Variants in TRMO observed in about 807,000 individuals in gnomAD.
TRMO encodes tRNA methyltransferase O, also known as tRNA (adenine(37)-N6)-methyltransferase.
TRMO carries 30 observed loss-of-function variants against 37.2 expected under a neutral mutation model. That is an observed-to-expected ratio of 0.81 (90% CI 0.60 to 1.09). The LOEUF (loss-of-function observed/expected upper bound fraction) is 1.09. Among genes scored for constraint, TRMO ranks in the 50% least tolerant of loss-of-function variants. The pLI is 0.00. For missense variants in TRMO, 552 were observed against 549.5 expected, an observed-to-expected ratio of 1.00 and a Z score of -0.05; for synonymous variants, 239 against 199.4, an observed-to-expected ratio of 1.20 and a Z score of -1.67.
In TRMO at chr9:97,908,949, T is replaced by C. The variant is rs543510074; in HGVS notation, c.1066+1011A>G. On this transcript the variant is annotated intron_variant, in intron 4 of 4. Transcript: ENST00000375119. ...GAACAGCTTTTTGCAATCTGACATC[T>C]CCTTGGCAACCAGCTTCTTCTTTTT... 1.3e-3 allele frequency among the ~76,000 whole-genome samples: 201 copies of C among 152,238 alleles called. 1 individual carries two copies. Among genetic ancestry groups the C allele is most frequent in the South Asian group, 3.3e-3 (16 of 4,824 alleles).
At chr9:97,907,046 A>G (rs948173248) in intron 4 of TRMO, among the ~76,000 whole-genome samples, 4 of 152,218 alleles carry the variant, frequency 2.6e-5, no homozygotes, top group African/African-American at 9.6e-5. Context: ...AATGATTTCT[A>G]TCAACAAAAC....
At chr9:97,905,610 A>G (rs1349574006) in intron 4 of TRMO, among the ~76,000 whole-genome samples, 2 of 152,224 alleles carry the variant, frequency 1.3e-5, no homozygotes, top group African/African-American at 4.8e-5. Context: ...GGTATGTATA[A>G]AACATAAATT....
At position 97,910,598 on chromosome 9, in the gene TRMO, G is replaced by A. The variant is rs1826079076; in HGVS notation, c.428C>T (p.Ser143Phe). The change falls in exon 4 of 5, where the codon TCT (serine) becomes TTT (phenylalanine). Residue 143 changes from serine to phenylalanine, a missense_variant. Transcript: ENST00000375119. Reference sequence around the variant, plus strand: ...TGTGCCATGTATCATGTCAATTCCAGAAAGGTATATAGCTCCACCTATGAC... The same window carrying A: ...TGTGCCATGTATCATGTCAATTCCAAAAAGGTATATAGCTCCACCTATGAC... Reference protein sequence around the residue: ...EKVEGGAIYLSGIDMIHGTPV... With the variant: ...EKVEGGAIYLFGIDMIHGTPV... The A allele has an allele frequency of 6.2e-7, 1 of 1,613,946 alleles. No homozygotes were observed. The highest frequency in any genetic ancestry group is 1.3e-5 in the African/African-American group (1 of 75,032).
chr9:97,897,186 TC>T, the TRMO span, among the ~76,000 whole-genome samples: 1 of 152,260 alleles, frequency 6.6e-6, no homozygotes, highest in African/African-American at 2.4e-5. Context: ...AAAAACAGTC[TC>T]TGACTTAGAA....
intron 4 of TRMO, among the ~76,000 whole-genome samples, chr9:97,907,448 C>T (rs1050263873): frequency 1.3e-5 from 2 of 152,142 alleles, no homozygotes; most frequent in African/African-American, 4.8e-5. Context: ...TTATCAAAGC[C>T]AAATACCCCC....
chr9:97,922,312 C>A, intron 1 of TRMO, 106 bp downstream of exon 1: 1 of 751,524 alleles, frequency 1.3e-6, no homozygotes, highest in Non-Finnish European at 2.2e-6. Flanking sequence ...AAAAGAATGA[C>A]GCACGTCAGT....
intron 1 of TRMO, among the ~76,000 whole-genome samples, chr9:97,916,996 T>A (rs1826400703): frequency 6.6e-6 from 1 of 151,930 alleles, no homozygotes; most frequent in African/African-American, 2.4e-5. Context: ...AGACGGGGTT[T>A]CACCATATTG....
intron 1 of TRMO, among the ~76,000 whole-genome samples, chr9:97,922,190 G>A (rs1202831144): frequency 6.6e-6 from 1 of 152,180 alleles, no homozygotes; most frequent in African/African-American, 2.4e-5. Context: ...CCAAGACTAC[G>A]CAGACAGTAC....
chr9:97,899,928 G>A (rs941849597), downstream of TRMO, among the ~76,000 whole-genome samples: 1 of 152,034 alleles, frequency 6.6e-6, no homozygotes, highest in Non-Finnish European at 1.5e-5. Context: ...AATTAGCTGG[G>A]CATGGTGGCA....
chr9:97,917,857 T>C (rs932118795), intron 1 of TRMO, among the ~76,000 whole-genome samples: 1 of 151,024 alleles, frequency 6.6e-6, no homozygotes, highest in African/African-American at 2.4e-5. Flanking sequence ...TTTTTTTTTT[T>C]TTTTTGTAGA....
At chr9:97,911,995 GAA>G (rs535037047) in intron 3 of TRMO, 82 of 152,274 alleles carry the variant, frequency 5.4e-4, no homozygotes, top group African/African-American at 1.9e-3. Context: ...ATATCTGTAG[GAA>G]AAAGAAAGGC....
At chr9:97,917,706 T>G (rs962060308) in intron 1 of TRMO, among the ~76,000 whole-genome samples, 6 of 152,116 alleles carry the variant, frequency 3.9e-5, no homozygotes, top group Non-Finnish European at 7.4e-5. Context: ...TGAGACAGAG[T>G]CTTGCTCTGT....
chr9:97,918,616 T>C (rs953201869), intron 1 of TRMO, among the ~76,000 whole-genome samples: 5 of 152,204 alleles, frequency 3.3e-5, no homozygotes, highest in African/African-American at 1.2e-4. Context: ...CCTACCAGCA[T>C]AAGCAGTAAG....
chr9:97,916,071 G>T, intron 2 of TRMO, 93 bp downstream of exon 2: 1 of 865,686 alleles, frequency 1.2e-6, no homozygotes. Context: ...GGGTGGTCTG[G>T]ATGGCAGACT....
chr9:97,899,689 C>T (rs1385558781), downstream of TRMO, among the ~76,000 whole-genome samples: 2 of 152,092 alleles, frequency 1.3e-5, no homozygotes, highest in Admixed American at 6.6e-5. Context: ...AGTTCGGTAC[C>T]AGCCTGGGCA....
intron 1 of TRMO, among the ~76,000 whole-genome samples, 199 bp downstream of exon 1, chr9:97,922,219 G>A (rs1317176725): frequency 6.6e-6 from 1 of 152,212 alleles, no homozygotes; most frequent in African/African-American, 2.4e-5. Context: ...TAACAAAGCG[G>A]AACAAGCCAG....
At chr9:97,908,213 C>G (rs992252255) in intron 4 of TRMO, among the ~76,000 whole-genome samples, 2 of 152,064 alleles carry the variant, frequency 1.3e-5, no homozygotes, top group Non-Finnish European at 2.9e-5. Flanking sequence ...GAGATCGAGA[C>G]CATCCTGCCT....
chr9:97,906,532 C>A (rs1183109619), intron 4 of TRMO, among the ~76,000 whole-genome samples: 2 of 152,238 alleles, frequency 1.3e-5, no homozygotes, highest in Non-Finnish European at 2.9e-5. Context: ...GAAGTCACTT[C>A]TTATTTCTGC....
chr9:97,920,419 A>G (rs1307656081), intron 1 of TRMO, among the ~76,000 whole-genome samples: 1 of 152,226 alleles, frequency 6.6e-6, no homozygotes, highest in Non-Finnish European at 1.5e-5. Context: ...CAGGGCCACT[A>G]CACTAGCTGT....
Sources: gnomAD v4.1 joint callset for allele counts (sites outside exome capture counted in the v4.1 genomes callset) on GRCh38, gnomAD v4.1.1 for gene constraint, MANE v1.5 for transcripts, NCBI Gene and HGNC (gene_info 2026-07-23, HGNC 2026-07-21) for gene names.